Variants in ZMIZ1 observed in about 807,000 individuals in gnomAD.
ZMIZ1 encodes zinc finger MIZ-type containing 1.
ZMIZ1 carries 17 observed loss-of-function variants against 113.9 expected under a neutral mutation model. That is an observed-to-expected ratio of 0.15 (90% CI 0.10 to 0.22). ZMIZ1 has a LOEUF of 0.22. Among genes scored for constraint, ZMIZ1 ranks in the 10% least tolerant of loss-of-function variants. The pLI is 1.00. For synonymous variants in ZMIZ1, 607 were observed against 603.1 expected (o/e 1.01, Z -0.09); for missense variants, 1,059 against 1,477.8 (o/e 0.72, Z 4.65).
At chr10:79,164,740 A>G (rs1397121125) in intron 4 of ZMIZ1, among the ~76,000 whole-genome samples, 2 of 152,198 alleles carry the variant, frequency 1.3e-5, no homozygotes, top group African/African-American at 2.4e-5. Context: ...TGAGTTCCTC[A>G]TCACTAAACT....
intron 1 of ZMIZ1, among the ~76,000 whole-genome samples, chr10:79,078,988 CA>C (rs996403919): frequency 6.6e-6 from 1 of 152,242 alleles, no homozygotes; most frequent in African/African-American, 2.4e-5. Flanking sequence ...ACCACCTTTC[CA>C]GGGGAGCCTT....
chr10:79,245,191 C>A (rs11002889), intron 7 of ZMIZ1, among the ~76,000 whole-genome samples: 189 of 152,138 alleles, frequency 1.2e-3, no homozygotes, highest in African/African-American at 4.2e-3. Context: ...CACAGCCCTC[C>A]CCTGGCTCAG....
chr10:79,083,981 A>T (rs1436677308), intron 1 of ZMIZ1, among the ~76,000 whole-genome samples: 1 of 151,994 alleles, frequency 6.6e-6, no homozygotes, highest in Non-Finnish European at 1.5e-5. Flanking sequence ...TGGAATTCTG[A>T]TATTCTGCAT....
In ZMIZ1 at chr10:79,122,790, C is replaced by T. The variant is rs1844355474; in HGVS notation, c.-227+3766C>T. Among the ~76,000 whole-genome samples, 4 of 152,180 alleles carry T rather than the reference C, an allele frequency of 2.6e-5. No homozygotes were observed. The South Asian group carries it at 6.2e-4, about 24-fold the overall frequency. Reference sequence around the variant, plus strand: ...CCATCCTAAGTTCCTGGGCTGAGGTCAGACCCACATCGGGTAGGGGTGTAG... The same window carrying T: ...CCATCCTAAGTTCCTGGGCTGAGGTTAGACCCACATCGGGTAGGGGTGTAG... On this transcript the variant is annotated intron_variant, in intron 2 of 24. Transcript: ENST00000334512.
At chr10:79,167,122 C>T (rs976356374) in intron 4 of ZMIZ1, among the ~76,000 whole-genome samples, 1 of 152,240 alleles carries the variant, frequency 6.6e-6, no homozygotes, top group African/African-American at 2.4e-5. Flanking sequence ...CACACCTGTG[C>T]CTCCTGGAGG....
chr10:79,096,370 G>A lies in ZMIZ1; in HGVS notation c.-336-22545G>A, dbSNP rs183367947. 6.4e-3 allele frequency among the ~76,000 whole-genome samples: 973 copies of A among 152,250 alleles called. 8 individuals carry two copies. The highest frequency in any genetic ancestry group is 0.024 in the Middle Eastern group (7 of 294). On this transcript the variant is annotated intron_variant, in intron 1 of 24. Transcript: ENST00000334512. The stretch of plus-strand genomic sequence containing the variant: ...CTAAAAAATACAAAAAAATTAGCCA[G>A]GTGTGGTGGTGGGCACCTGTGGTCC...
chr10:79,159,673 A>G (rs1260798546), intron 3 of ZMIZ1, among the ~76,000 whole-genome samples: 1 of 152,218 alleles, frequency 6.6e-6, no homozygotes, highest in Non-Finnish European at 1.5e-5. Context: ...CCAGGGCACA[A>G]TCCACAATAT....
intron 10 of ZMIZ1, among the ~76,000 whole-genome samples, chr10:79,291,672 G>GT (rs966176191): frequency 3.2e-4 from 49 of 152,218 alleles, no homozygotes; most frequent in African/African-American, 1.2e-3. Flanking sequence ...GCTCTGGGGA[G>GT]TGGTGTGAGG....
chr10:79,267,951 A>G (rs1029556419), intron 7 of ZMIZ1, among the ~76,000 whole-genome samples: 5 of 152,030 alleles, frequency 3.3e-5, no homozygotes, highest in Non-Finnish European at 7.4e-5. Context: ...TTTTCTGTGC[A>G]TGGCTATAGA....
chr10:79,235,512 C>A (rs928297536), intron 7 of ZMIZ1, among the ~76,000 whole-genome samples: 6 of 152,226 alleles, frequency 3.9e-5, no homozygotes, highest in African/African-American at 1.4e-4. Flanking sequence ...TGCAATTCTC[C>A]ATCCTCAGCT....
At chr10:79,177,041 C>T (rs752135675) in intron 4 of ZMIZ1, among the ~76,000 whole-genome samples, 8 of 152,220 alleles carry the variant, frequency 5.3e-5, no homozygotes, top group South Asian at 2.1e-4. Context: ...GGACCCCACC[C>T]GGCCTGTCTC....
At chr10:79,081,333 T>C (rs1294993582) in intron 1 of ZMIZ1, among the ~76,000 whole-genome samples, 1 of 152,136 alleles carries the variant, frequency 6.6e-6, no homozygotes, top group Middle Eastern at 3.2e-3. Context: ...CCTTATTATC[T>C]CTGCCTCTGG....
chr10:79,307,331 C>G, intron 22 of ZMIZ1, 74 bp from the exon 23 acceptor site: 1 of 1,447,526 alleles, frequency 6.9e-7, no homozygotes, highest in Non-Finnish European at 9.6e-7. Context: ...TATTTTTACA[C>G]ACTCTCTGTT....
intron 4 of ZMIZ1, among the ~76,000 whole-genome samples, chr10:79,186,565 T>C (rs1026672039): frequency 6.6e-6 from 1 of 152,250 alleles, no homozygotes; most frequent in African/African-American, 2.4e-5. Flanking sequence ...ACTAATGAAT[T>C]ACAGCATGAT....
At position 79,259,501 on chromosome 10, in the gene ZMIZ1, T is replaced by C. The variant is rs188756835; in HGVS notation, c.281-17680T>C. 1.9e-4 allele frequency among the ~76,000 whole-genome samples: 29 copies of C among 152,348 alleles called. 1 individual carries two copies. The highest frequency in any genetic ancestry group is 6.5e-4 in the African/African-American group (27 of 41,576). On this transcript the variant is annotated intron_variant, in intron 7 of 24. Transcript: ENST00000334512. ...TTCTCACTCCATTAATGGGGTATTT[T>C]GGGATGCAGGACATTCTTCCATAGG...
rs1589378199 is a variant in ZMIZ1, at chr10:79,174,927, C to T, written c.-50+12794C>T. Among the ~76,000 whole-genome samples the T allele has an allele frequency of 2.6e-5, 4 of 152,242 alleles. No individual in the cohort carries two copies. The East Asian group carries it at 7.7e-4, about 29-fold the overall frequency. ...GCAGCATCCCCAGGTGACACCTGCC[C>T]TCCATGGGGGCTTTCCTCCTTCCAT... is the stretch of plus-strand genomic sequence containing the variant. On this transcript the variant is annotated intron_variant, in intron 4 of 24. Transcript: ENST00000334512.
At chr10:79,074,575 G>A (rs540675082) in intron 1 of ZMIZ1, among the ~76,000 whole-genome samples, 103 of 152,342 alleles carry the variant, frequency 6.8e-4, no homozygotes, top group Non-Finnish European at 1.2e-3. Flanking sequence ...GGAGGCAGAG[G>A]TGTTTCCAGC....
Position 79,069,800 on chromosome 10 carries a change from A to AC in ZMIZ1, c.-337+531dup, listed in dbSNP as rs1842192373. Among the ~76,000 whole-genome samples, 1 of 152,066 alleles carries AC rather than the reference A, an allele frequency of 6.6e-6. No homozygotes were observed. The highest frequency in any genetic ancestry group is 1.5e-5 in the Non-Finnish European group (1 of 68,004). On this transcript the variant is annotated intron_variant, in intron 1 of 24. Transcript: ENST00000334512. The surrounding 1 kb of genome is among the most constrained non-coding windows in gnomAD (Gnocchi z 4.6). ...GCGTCTGAATTTCCAGGGAAAACATACACTTTTGTAAATGGGAGGTGGGGG... is the reference window on the plus strand; with the variant it reads ...GCGTCTGAATTTCCAGGGAAAACATACCACTTTTGTAAATGGGAGGTGGGGG...
rs1036821577 is a variant in ZMIZ1, at chr10:79,290,901, T to C, written c.541-58T>C. The C allele has an allele frequency of 1.0e-5, 16 of 1,592,980 alleles. No homozygotes were observed. The African/African-American group carries it at 2.0e-4, about 20-fold the overall frequency. ...CCTTTCCCCTCTTCATTTATCCCTC[T>C]TCCTCTCCACACTGCCTCGGGTAGC... is the stretch of plus-strand genomic sequence containing the variant. On this transcript the variant is annotated intron_variant, in intron 9 of 24. Transcript: ENST00000334512.
Sources: allele counts gnomAD v4.1 joint callset (sites outside exome capture counted in the v4.1 genomes callset), GRCh38; gene constraint gnomAD v4.1.1; non-coding constraint Gnocchi (gnomAD v3.1); transcripts MANE v1.5; gene names NCBI Gene and HGNC (gene_info 2026-07-23, HGNC 2026-07-21).